Variants in FGFR1 observed in about 807,000 individuals in gnomAD.
FGFR1 encodes the protein FGFR1/PLAG1 fusion.
A neutral mutation model predicts 93.7 loss-of-function variants in FGFR1; 18 were observed. The observed-to-expected ratio is 0.19, with a 90% CI of 0.13 to 0.28. FGFR1 has a LOEUF of 0.28. Among genes scored for constraint, FGFR1 ranks in the 10% least tolerant of loss-of-function variants. The pLI is 1.00. For synonymous variants in FGFR1, 448 were observed against 429.3 expected (o/e 1.04, Z -0.54); for missense variants, 731 against 1,080.4 (o/e 0.68, Z 4.53).
At chr8:38,452,861 C>CTTGGG (rs1831529806) in intron 2 of FGFR1, among the ~76,000 whole-genome samples, 1 of 152,178 alleles carries the variant, frequency 6.6e-6, no homozygotes, top group African/African-American at 2.4e-5. Flanking sequence ...CCTGTAATCC[C>CTTGGG]AGCTACTTGG....
At position 38,426,104 on chromosome 8, in the gene FGFR1, C is replaced by T. The variant is rs2150856273; in HGVS notation, c.745+18G>A. 6.2e-7 allele frequency: 1 copy of T among 1,614,076 alleles called. No homozygotes were observed. Among genetic ancestry groups the T allele is most frequent in the Non-Finnish European group, 8.5e-7 (1 of 1,179,984 alleles). On this transcript the variant is annotated intron_variant, in intron 6 of 17. Transcript: ENST00000447712. The surrounding 1 kb of genome is among the most constrained non-coding windows in gnomAD (Gnocchi z 4.1). ...CTTCCCACTAAACTCATTCCTCCTG[C>T]TGCCTCTGCCCTCTTACCCACGACA... is the stretch of plus-strand genomic sequence containing the variant.
chr8:38,432,225 T>A (rs1042384686), intron 2 of FGFR1, among the ~76,000 whole-genome samples: 1 of 152,096 alleles, frequency 6.6e-6, no homozygotes, highest in African/African-American at 2.4e-5. Flanking sequence ...TGATACCAGC[T>A]TGGATCCGTA....
At chr8:38,448,050 T>C (rs538617041) in intron 2 of FGFR1, among the ~76,000 whole-genome samples, 1 of 152,252 alleles carries the variant, frequency 6.6e-6, no homozygotes, top group African/African-American at 2.4e-5. Flanking sequence ...AAACATTCTC[T>C]GTATGGCTCT....
rs1298416947 is a variant in FGFR1, at chr8:38,429,477, C to T, written c.358+205G>A. The T allele has an allele frequency of 1.5e-5, 11 of 710,484 alleles. No individual in the cohort carries two copies. The highest frequency in any genetic ancestry group is 8.1e-5 in the Admixed American group (4 of 49,300). The allele number at this position is 710,484 out of a possible 1,614,324, so 44.0% of individuals were successfully genotyped here. A position where few individuals can be genotyped will look rare whatever the true frequency, so the allele number is the denominator to read the frequency against. The stretch of plus-strand genomic sequence containing the variant: ...GTGTGTCCTGGAAGCCCCAGATCTC[C>T]GGCCCTGGGGCCCACCCCACCTAGT... On this transcript the variant is annotated intron_variant, in intron 3 of 17. Coordinates refer to ENST00000447712, the MANE Select transcript of FGFR1 (RefSeq NM_023110.3). The surrounding 1 kb of genome is among the most constrained non-coding windows in gnomAD (Gnocchi z 4.4).
intron 8 of FGFR1, 50 bp downstream of exon 8, chr8:38,421,747 C>T (rs536557592): frequency 1.8e-5 from 29 of 1,602,450 alleles, no homozygotes; most frequent in East Asian, 4.5e-5. Flanking sequence ...ATGCTCCCCC[C>T]GTGCCCGTGG....
chr8:38,413,385 G>C lies in FGFR1; in HGVS notation c.*243C>G. Reference sequence around the variant, plus strand: ...AGGGGTGTTGGTCCAACATCTGGGAGGGGATGAAGTGGCTGGCAGCAAAGA... The same window carrying C: ...AGGGGTGTTGGTCCAACATCTGGGACGGGATGAAGTGGCTGGCAGCAAAGA... On this transcript the variant is annotated 3_prime_UTR_variant, in exon 18 of 18. Coordinates refer to ENST00000447712, the MANE Select transcript of FGFR1 (RefSeq NM_023110.3). The surrounding 1 kb of genome is among the most constrained non-coding windows in gnomAD (Gnocchi z 4.2). 1.8e-6 allele frequency: 1 copy of C among 561,410 alleles called. No individual in the cohort carries two copies. Among genetic ancestry groups the C allele is most frequent in the Non-Finnish European group, 3.2e-6 (1 of 317,082 alleles). The allele number at this position is 561,410 out of a possible 1,614,324, so 34.8% of individuals were successfully genotyped here.
Position 38,413,330 on chromosome 8 carries a change from C to A in FGFR1, c.*298G>T. The A allele has an allele frequency of 2.0e-6, 1 of 488,938 alleles. No homozygotes were observed. The highest frequency in any genetic ancestry group is 3.4e-5 in the East Asian group (1 of 29,704). The allele number at this position is 488,938 out of a possible 1,614,324, so 30.3% of individuals were successfully genotyped here. A position where few individuals can be genotyped will look rare whatever the true frequency, so the allele number is the denominator to read the frequency against. ...ATGCCTGTTCATTGGCTCCCACTCCCTGCCCTCCAGGCAGTGCCTGGTGGC... is the reference window on the plus strand; with the variant it reads ...ATGCCTGTTCATTGGCTCCCACTCCATGCCCTCCAGGCAGTGCCTGGTGGC... On this transcript the variant is annotated 3_prime_UTR_variant, in exon 18 of 18. Transcript: ENST00000447712. The surrounding 1 kb of genome is among the most constrained non-coding windows in gnomAD (Gnocchi z 4.2).
chr8:38,465,171 C>T (rs945606044), intron 1 of FGFR1, among the ~76,000 whole-genome samples: 1 of 152,244 alleles, frequency 6.6e-6, no homozygotes, highest in African/African-American at 2.4e-5. Flanking sequence ...CTTCCTGAGC[C>T]TTTGCTTCCC....
Position 38,412,458 on chromosome 8 carries a change from C to T in FGFR1, c.*1170G>A. 1 of 232,764 alleles carries T rather than the reference C, an allele frequency of 4.3e-6. No individual in the cohort carries two copies. The highest frequency in any genetic ancestry group is 8.5e-6 in the Non-Finnish European group (1 of 117,752). 14.4% of individuals were successfully genotyped at this position (232,764 alleles called of 1,614,324 possible). Reference sequence around the variant, plus strand: ...GGAGGAAACCATCCATGGTCGATGGCTGCTGGGCCTTGACTCTCTGCCCAG... The same window carrying T: ...GGAGGAAACCATCCATGGTCGATGGTTGCTGGGCCTTGACTCTCTGCCCAG... On this transcript the variant is annotated 3_prime_UTR_variant, in exon 18 of 18. Transcript: ENST00000447712.
rs17175757 is a variant in FGFR1 at position 38,457,372 on chromosome 8, C to T, written c.75G>A (p.Pro25=). Reference sequence around the variant, plus strand: ...GCACCTTACCTTGTTCAGGCAAGGTCGGGGACGGCCTAGCGGTGCAGAGTG... The same window carrying T: ...GCACCTTACCTTGTTCAGGCAAGGTTGGGGACGGCCTAGCGGTGCAGAGTG... ...TATLCTARPS[P]TLPEQAQPWG... is the part of the protein sequence containing the mutation. The change falls in exon 2 of 18, where the codon CCG becomes CCA. Residue 25 remains proline (P), a synonymous_variant. Coordinates refer to ENST00000447712, the MANE Select transcript of FGFR1 (RefSeq NM_023110.3). 1.4e-4 allele frequency: 229 copies of T among 1,613,296 alleles called. 1 individual carries two copies. Among genetic ancestry groups the T allele is most frequent in the Admixed American group, 8.0e-4 (48 of 60,006 alleles).
intron 2 of FGFR1, among the ~76,000 whole-genome samples, chr8:38,443,320 A>C (rs941490674): frequency 3.3e-5 from 5 of 152,216 alleles, no homozygotes; most frequent in African/African-American, 7.2e-5. Flanking sequence ...TCAAAACATC[A>C]TACCGTACCC....
At chr8:38,441,026 T>A (rs1184556347) in intron 2 of FGFR1, among the ~76,000 whole-genome samples, 1 of 152,034 alleles carries the variant, frequency 6.6e-6, no homozygotes, top group Admixed American at 6.6e-5. Flanking sequence ...CCGCCTGCAC[T>A]AGCCAAAGCC....
At position 38,429,319 on chromosome 8, in the gene FGFR1, G is replaced by C. The variant is rs1013055811; in HGVS notation, c.358+363C>G. 1.8e-6 allele frequency: 1 copy of C among 570,914 alleles called. No individual in the cohort carries two copies. Among genetic ancestry groups the C allele is most frequent in the Non-Finnish European group, 3.4e-6 (1 of 294,528 alleles). 35.4% of individuals were successfully genotyped at this position (570,914 alleles called of 1,614,324 possible). A position where few individuals can be genotyped will look rare whatever the true frequency, so the allele number is the denominator to read the frequency against. ...CTCTAATCACTAAGCCGAGTACCAAGTCCAAATGGCAAGGGAGTGATGGAG... is the reference window on the plus strand; with the variant it reads ...CTCTAATCACTAAGCCGAGTACCAACTCCAAATGGCAAGGGAGTGATGGAG... On this transcript the variant is annotated intron_variant, in intron 3 of 17. Transcript: ENST00000447712. The surrounding 1 kb of genome is among the most constrained non-coding windows in gnomAD (Gnocchi z 4.4).
At chr8:38,440,873 C>T (rs574005825) in intron 2 of FGFR1, among the ~76,000 whole-genome samples, 3 of 152,308 alleles carry the variant, frequency 2.0e-5, no homozygotes, top group Admixed American at 2.0e-4. Flanking sequence ...CACACAGGCC[C>T]AGGCAGCCCG....
intron 2 of FGFR1, among the ~76,000 whole-genome samples, chr8:38,451,111 G>A (rs1364208959): frequency 1.2e-4 from 18 of 152,212 alleles, no homozygotes; most frequent in Admixed American, 1.2e-3. Context: ...GTTCTCAAGA[G>A]GGTCATCTGA....
At chr8:38,448,357 G>C (rs1397245281) in intron 2 of FGFR1, among the ~76,000 whole-genome samples, 1 of 148,118 alleles carries the variant, frequency 6.8e-6, no homozygotes, top group Non-Finnish European at 1.5e-5. Flanking sequence ...TCGGCTCACT[G>C]CAACTTCCGC....
intron 2 of FGFR1, among the ~76,000 whole-genome samples, chr8:38,437,096 T>G (rs536592836): frequency 6.6e-6 from 1 of 152,234 alleles, no homozygotes; most frequent in Non-Finnish European, 1.5e-5. Context: ...GCCAGGCTGG[T>G]CTTGAACTCC....
At chr8:38,444,554 A>T (rs999507942) in intron 2 of FGFR1, among the ~76,000 whole-genome samples, 1 of 93,228 alleles carries the variant, frequency 1.1e-5, no homozygotes, top group Non-Finnish European at 2.5e-5. Context: ...ACGCGTGGCT[A>T]AATTTTTTTT....
intron 2 of FGFR1, among the ~76,000 whole-genome samples, chr8:38,443,772 C>T (rs1039117106): frequency 3.3e-5 from 5 of 151,438 alleles, no homozygotes; most frequent in African/African-American, 7.3e-5. Flanking sequence ...AATTAGATGG[C>T]GCTGGGCTCG....
Sources: allele counts gnomAD v4.1 joint callset (sites outside exome capture counted in the v4.1 genomes callset), GRCh38; gene constraint gnomAD v4.1.1; non-coding constraint Gnocchi (gnomAD v3.1); transcripts MANE v1.5; gene names NCBI Gene and HGNC (gene_info 2026-07-23, HGNC 2026-07-21).